MAN1A2: variants seen among roughly 807,000 people sequenced by gnomAD.
MAN1A2 encodes mannosyl-oligosaccharide 1,2-alpha-mannosidase IB.
In MAN1A2, 26 loss-of-function variants were observed where a neutral mutation model predicts 75.7. The observed-to-expected ratio is 0.34, with a 90% CI of 0.25 to 0.48. The LOEUF (loss-of-function observed/expected upper bound fraction) is 0.48, where lower values mean the gene tolerates loss of function less well. MAN1A2 is among the 20% of genes least tolerant of loss of function. The pLI is 0.99. For missense variants in MAN1A2, 562 were observed against 775.5 expected (o/e 0.72, Z 3.27); for synonymous variants, 247 against 264.6 (o/e 0.93, Z 0.65).
chr1:117,372,881 G>A (rs1435225545), intron 1 of MAN1A2, among the ~76,000 whole-genome samples: 1 of 150,960 alleles, frequency 6.6e-6, no homozygotes, highest in East Asian at 1.9e-4. Flanking sequence ...CCTCCAGTCA[G>A]AACTTTGTTA....
intron 5 of MAN1A2, among the ~76,000 whole-genome samples, chr1:117,439,425 A>C (rs569270888): frequency 1.7e-4 from 26 of 152,178 alleles, no homozygotes; most frequent in African/African-American, 2.4e-4. Flanking sequence ...CATAAGAAGC[A>C]TATATAGATC....
chr1:117,418,363 A>G lies in MAN1A2; in HGVS notation c.775-2206A>G, dbSNP rs183443713. ...GTAATGGTGGGGTACTGCTATTAGT[A>G]TTTTACATGGGGTGGTCATGGAAGA... On this transcript the variant is annotated intron_variant, in intron 4 of 12. Transcript: ENST00000356554. Among the ~76,000 whole-genome samples the G allele has an allele frequency of 1.5e-4, 23 of 152,140 alleles. No homozygotes were observed. In the East Asian group the frequency reaches 4.1e-3, roughly 27 times the overall value.
intron 8 of MAN1A2, among the ~76,000 whole-genome samples, chr1:117,482,472 C>G (rs950942916): frequency 6.6e-6 from 1 of 151,770 alleles, no homozygotes; most frequent in Non-Finnish European, 1.5e-5. Flanking sequence ...TGACCAGTGA[C>G]GATGAGCATT....
At chr1:117,430,166 G>T (rs1157880712) in intron 5 of MAN1A2, among the ~76,000 whole-genome samples, 1 of 90,684 alleles carries the variant, frequency 1.1e-5, no homozygotes, top group Non-Finnish European at 2.3e-5. Flanking sequence ...CCGGGCAGAG[G>T]CGCCCCTCAC....
intron 12 of MAN1A2, among the ~76,000 whole-genome samples, chr1:117,504,199 T>C (rs1011192049): frequency 6.6e-6 from 1 of 151,464 alleles, no homozygotes; most frequent in Non-Finnish European, 1.5e-5. Context: ...ACGGGAACTT[T>C]AGTTGTACAC....
chr1:117,477,085 G>A (rs981017084), intron 8 of MAN1A2, among the ~76,000 whole-genome samples: 10 of 151,886 alleles, frequency 6.6e-5, no homozygotes, highest in Admixed American at 4.6e-4. Context: ...GACTAAACTA[G>A]GAAGAAGTCG....
intron 6 of MAN1A2, among the ~76,000 whole-genome samples, chr1:117,450,268 C>T (rs936728125): frequency 6.6e-6 from 1 of 152,140 alleles, no homozygotes; most frequent in Non-Finnish European, 1.5e-5. Flanking sequence ...TTTGCTCCTG[C>T]CCTAGAGATG....
intron 8 of MAN1A2, among the ~76,000 whole-genome samples, chr1:117,473,783 C>T (rs1327207648): frequency 1.3e-5 from 2 of 151,876 alleles, no homozygotes; most frequent in African/African-American, 2.4e-5. Flanking sequence ...ACGTGATAGG[C>T]GGAAGTACAG....
chr1:117,491,278 C>T (rs572719642), intron 8 of MAN1A2, among the ~76,000 whole-genome samples: 6 of 152,018 alleles, frequency 3.9e-5, no homozygotes, highest in Admixed American at 3.3e-4. Context: ...GGGGCTAATG[C>T]AGCTGTTGAT....
In MAN1A2 at chr1:117,493,252, A is replaced by T. The variant is rs1428322399; in HGVS notation, c.1274A>T (p.Asp425Val). The change falls in exon 9 of 13, where the codon GAT becomes GTT. Residue 425 changes from aspartate (D) to valine (V), a missense_variant. This residue lies in a region of MAN1A2 where 434 missense variants were observed against 645.7 expected (regional missense o/e 0.67). Transcript: ENST00000356554. Reference sequence around the variant, plus strand: ...CATGAGGCAAGAAAGATGTATGATGATGCTATTGAGGTGATTATTTCCAGA... The same window carrying T: ...CATGAGGCAAGAAAGATGTATGATGTTGCTATTGAGGTGATTATTTCCAGA... The part of the protein sequence containing the change: ...TDHEARKMYD[D>V]AIEAIEKHLI... 2 of 1,601,388 alleles carry T rather than the reference A, an allele frequency of 1.2e-6. No homozygotes were observed. Among genetic ancestry groups the T allele is most frequent in the Non-Finnish European group, 1.7e-6 (2 of 1,169,268 alleles).
chr1:117,505,952 TGAAACA>T, intron 12 of MAN1A2, among the ~76,000 whole-genome samples: 1 of 151,564 alleles, frequency 6.6e-6, no homozygotes, highest in South Asian at 2.1e-4. Context: ...TTATTTTGTT[TGAAACA>T]GTGATCTTAG....
intron 1 of MAN1A2, among the ~76,000 whole-genome samples, chr1:117,400,235 T>TC (rs1388964810): frequency 1.3e-5 from 2 of 152,044 alleles, no homozygotes; most frequent in Non-Finnish European, 2.9e-5. Context: ...TGAATGACCT[T>TC]TTGTGTTACT....
intron 1 of MAN1A2, among the ~76,000 whole-genome samples, chr1:117,395,549 G>T (rs886820462): frequency 3.3e-5 from 5 of 152,056 alleles, no homozygotes; most frequent in African/African-American, 7.2e-5. Context: ...GCTCTTCAAG[G>T]ATCAGGGATG....
chr1:117,510,773 G>GTA (rs928368936), intron 12 of MAN1A2, among the ~76,000 whole-genome samples: 1 of 152,048 alleles, frequency 6.6e-6, no homozygotes, highest in Non-Finnish European at 1.5e-5. Context: ...ATCAATGAAT[G>GTA]TAAAATAATC....
At chr1:117,443,424 C>T (rs910932713) in intron 6 of MAN1A2, among the ~76,000 whole-genome samples, 3 of 152,110 alleles carry the variant, frequency 2.0e-5, no homozygotes, top group Non-Finnish European at 2.9e-5. Context: ...GTTGTGTATA[C>T]GCTTGTTCTC....
At chr1:117,477,794 G>T (rs945930968) in intron 8 of MAN1A2, among the ~76,000 whole-genome samples, 2 of 151,994 alleles carry the variant, frequency 1.3e-5, no homozygotes, top group African/African-American at 4.8e-5. Flanking sequence ...GGGCAGTCAG[G>T]CAAGAGAAAG....
At chr1:117,475,104 G>T (rs1390979120) in intron 8 of MAN1A2, among the ~76,000 whole-genome samples, 1 of 151,752 alleles carries the variant, frequency 6.6e-6, no homozygotes, top group Non-Finnish European at 1.5e-5. Context: ...TTTCTGGTTT[G>T]GGGCTATTAC....
intron 1 of MAN1A2, among the ~76,000 whole-genome samples, chr1:117,375,852 T>A (rs886371131): frequency 6.6e-6 from 1 of 152,118 alleles, no homozygotes; most frequent in Admixed American, 6.6e-5. Flanking sequence ...TTCAGATAAG[T>A]TATTCTATCT....
At chr1:117,511,578 A>T (rs922583462) in intron 12 of MAN1A2, among the ~76,000 whole-genome samples, 2 of 152,032 alleles carry the variant, frequency 1.3e-5, no homozygotes, top group African/African-American at 4.8e-5. Context: ...CACCTAGCAC[A>T]TGAGGCACTC....
Sources: gnomAD v4.1 joint callset for allele counts (sites outside exome capture counted in the v4.1 genomes callset) on GRCh38, gnomAD v4.1.1 for gene constraint, gnomAD v4.1.1 regional missense constraint, MANE v1.5 for transcripts, NCBI Gene and HGNC (gene_info 2026-07-23, HGNC 2026-07-21) for gene names.